Variants in DAGLB observed in about 807,000 individuals in gnomAD.
The protein encoded by DAGLB is diacylglycerol lipase-beta.
In DAGLB, 66 loss-of-function variants were observed where a neutral mutation model predicts 72.1. The ratio of observed to expected loss-of-function variants is 0.92; its 90% confidence interval spans 0.75 to 1.12. DAGLB has a LOEUF of 1.12. Ranked by LOEUF, DAGLB falls within the 50% of genes most tolerant of loss-of-function variation. The pLI is 0.00. For missense variants in DAGLB, 1,065 were observed against 884.9 expected, an observed-to-expected ratio of 1.20 and a Z score of -2.58; for synonymous variants, 414 against 359.5, an observed-to-expected ratio of 1.15 and a Z score of -1.71.
intron 11 of DAGLB, among the ~76,000 whole-genome samples, chr7:6,413,405 C>T (rs987126038): frequency 1.3e-5 from 2 of 152,148 alleles, no homozygotes; most frequent in Middle Eastern, 3.4e-3. Context: ...CCGAGGCAGG[C>T]GGATCACAAG....
intron 6 of DAGLB, among the ~76,000 whole-genome samples, chr7:6,426,647 G>C (rs1303026480): frequency 6.6e-6 from 1 of 151,580 alleles, no homozygotes. Context: ...TCATGTTAAT[G>C]ATTTCTATAT....
At chr7:6,410,948 A>T (rs112497444) in intron 13 of DAGLB, among the ~76,000 whole-genome samples, 1 of 142,980 alleles carries the variant, frequency 7.0e-6, no homozygotes, top group Admixed American at 7.4e-5. Flanking sequence ...GCAGTGGCAC[A>T]ATCTTGGCTC....
rs746966698 is a variant in DAGLB, at chr7:6,416,588, T to A, written c.1427+39A>T. The A allele has an allele frequency of 1.1e-5, 17 of 1,557,072 alleles. No homozygotes were observed. The South Asian group carries it at 2.0e-4, about 18-fold the overall frequency. ...AGATGAGTCTTGACCACATGACTTG[T>A]AAGTAGCAAGCTGTTAGAGCAGGAA... is the stretch of plus-strand genomic sequence containing the variant. On this transcript the variant is annotated intron_variant, in intron 11 of 14. Coordinates refer to ENST00000297056, the MANE Select transcript of DAGLB (RefSeq NM_139179.4).
chr7:6,428,167 A>G (rs1784370136), intron 6 of DAGLB, among the ~76,000 whole-genome samples: 2 of 152,040 alleles, frequency 1.3e-5, no homozygotes, highest in Admixed American at 1.3e-4. Flanking sequence ...CAACACAGCG[A>G]AAACCTGTCT....
intron 9 of DAGLB, 73 bp downstream of exon 9, chr7:6,421,654 G>A (rs2115256802): frequency 6.7e-7 from 1 of 1,503,250 alleles, no homozygotes; most frequent in South Asian, 1.3e-5. Context: ...GCTCTGTGCA[G>A]TCCCTGACCC....
intron 1 of DAGLB, among the ~76,000 whole-genome samples, chr7:6,446,801 G>C (rs114702204): frequency 0.019 from 2,838 of 152,150 alleles, 87 homozygotes; most frequent in African/African-American, 0.065. Flanking sequence ...TTGAGCACAA[G>C]AGTTGGACAC....
Position 6,410,393 on chromosome 7 carries a change from C to T in DAGLB, c.1570-13G>A, listed in dbSNP as rs1389204556. ...GCAAGATCTTGTACTGAGGGCGAGA[C>T]CCAATCAGTAGAATGCTGTCACTCA... On this transcript the variant is annotated splice_polypyrimidine_tract_variant and intron_variant, in intron 13 of 14. Transcript: ENST00000297056. 2 of 1,597,454 alleles carry T rather than the reference C, an allele frequency of 1.3e-6. No homozygotes were observed. Among genetic ancestry groups the T allele is most frequent in the Non-Finnish European group, 1.7e-6 (2 of 1,169,914 alleles).
chr7:6,415,609 T>TG (rs71008391), intron 11 of DAGLB, among the ~76,000 whole-genome samples: 53,906 of 150,674 alleles, frequency 0.36, 9,783 homozygotes, highest in African/African-American at 0.38. Flanking sequence ...GAGGCCAAGG[T>TG]GGCGGATCAT....
rs1034417633 is a variant in DAGLB, at chr7:6,436,269, C to T, written c.419+93G>A. The T allele has an allele frequency of 6.8e-6, 10 of 1,463,678 alleles. No homozygotes were observed. In the African/African-American group the frequency reaches 1.1e-4, roughly 17 times the overall value. The allele number at this position is 1,463,678 out of a possible 1,614,324, so 90.7% of individuals were successfully genotyped here. ...CCAATTTCTAACTATTTGAGGAAGT[C>T]CGAGGGACGCTGGACTCTCTGTCAT... On this transcript the variant is annotated intron_variant, in intron 3 of 14. Transcript: ENST00000297056.
At chr7:6,442,776 G>C (rs1361221197) in intron 2 of DAGLB, among the ~76,000 whole-genome samples, 1 of 152,126 alleles carries the variant, frequency 6.6e-6, no homozygotes, top group Non-Finnish European at 1.5e-5. Context: ...GAGCTAGCTG[G>C]GTGCAGTGGC....
chr7:6,421,705 A>T (rs1370617155), intron 9 of DAGLB, 22 bp downstream of exon 9: 10 of 1,589,064 alleles, frequency 6.3e-6, no homozygotes, highest in Non-Finnish European at 7.7e-6. Flanking sequence ...CACAGGCAAG[A>T]CACACGAGTC....
chr7:6,413,097 T>A, intron 11 of DAGLB, 63 bp from the exon 12 acceptor site: 1 of 1,552,232 alleles, frequency 6.4e-7, no homozygotes, highest in Admixed American at 1.8e-5. Context: ...AGGGCTTCCA[T>A]GAAAGAAATC....
chr7:6,422,253 A>G, intron 8 of DAGLB: 1 of 313,198 alleles, frequency 3.2e-6, no homozygotes. Context: ...GCCCAGGCGC[A>G]GGGGCAGCTC....
intron 9 of DAGLB, 91 bp downstream of exon 9, chr7:6,421,636 C>T (rs1399746663): frequency 7.7e-7 from 1 of 1,294,772 alleles, no homozygotes; most frequent in Non-Finnish European, 1.0e-6. Flanking sequence ...GAGGCGCAGG[C>T]AGCGCGGGCT....
At chr7:6,432,727 G>C (rs1015517458) in intron 5 of DAGLB, 110 bp downstream of exon 5, 1 of 1,351,280 alleles carries the variant, frequency 7.4e-7, no homozygotes, top group Non-Finnish European at 9.6e-7. Flanking sequence ...GGAGGGGAAA[G>C]GGGAATGAAG....
At chr7:6,419,450 G>T (rs1039356088) in intron 9 of DAGLB, among the ~76,000 whole-genome samples, 1 of 152,122 alleles carries the variant, frequency 6.6e-6, no homozygotes, top group African/African-American at 2.4e-5. Flanking sequence ...TGCTGCTGGC[G>T]AGCCTCCCCG....
chr7:6,427,107 CA>C (rs1784338830), intron 6 of DAGLB, among the ~76,000 whole-genome samples: 1 of 151,934 alleles, frequency 6.6e-6, no homozygotes, highest in African/African-American at 2.4e-5. Context: ...GACTCCGTCT[CA>C]AAAAATACAA....
At chr7:6,437,184 ATAATAATAG>A (rs1389672113) in intron 2 of DAGLB, among the ~76,000 whole-genome samples, 5 of 147,904 alleles carry the variant, frequency 3.4e-5, no homozygotes, top group African/African-American at 1.2e-4. Flanking sequence ...AATAATAATA[ATAATAATAG>A]TAATAATTAT....
At chr7:6,431,641 G>A (rs912471346) in intron 5 of DAGLB, among the ~76,000 whole-genome samples, 1 of 152,070 alleles carries the variant, frequency 6.6e-6, no homozygotes, top group African/African-American at 2.4e-5. Flanking sequence ...GCATGGTGGT[G>A]CACGCCTGTA....
Sources: allele counts gnomAD v4.1 joint callset (sites outside exome capture counted in the v4.1 genomes callset), GRCh38; gene constraint gnomAD v4.1.1; transcripts MANE v1.5; gene names NCBI Gene and HGNC (gene_info 2026-07-23, HGNC 2026-07-21).